Variants in ZBTB40 observed in about 807,000 individuals in gnomAD.
ZBTB40 encodes the protein zinc finger and BTB domain containing 40.
In ZBTB40, 60 loss-of-function variants were observed where a neutral mutation model predicts 117.5. That is an observed-to-expected ratio of 0.51 (90% confidence interval 0.41 to 0.63). ZBTB40 has a LOEUF of 0.63. Among genes scored for constraint, ZBTB40 ranks in the 30% least tolerant of loss-of-function variants. The pLI, the probability that ZBTB40 is intolerant of heterozygous loss-of-function variation, is 0.00. For synonymous variants in ZBTB40, 525 were observed against 577.1 expected (o/e 0.91, Z 1.29); for missense variants, 1,287 against 1,498.5 (o/e 0.86, Z 2.33).
chr1:22,522,760 AC>A lies in ZBTB40; in HGVS notation c.3298+299del, dbSNP rs1006804614. Among the ~76,000 whole-genome samples the A allele has an allele frequency of 1.1e-4, 16 of 139,738 alleles. No homozygotes were observed. The Admixed American group carries it at 1.2e-3, about 10-fold the overall frequency. The allele number at this position is 139,738 out of a possible 152,430, so 91.7% of individuals were successfully genotyped here. On this transcript the variant is annotated intron_variant, in intron 16 of 17. Transcript: ENST00000375647. The stretch of plus-strand genomic sequence containing the variant: ...AAATACAATTCCAGTTATAAGATAT[AC>A]CATTTTTATTTTTTTTTTTTTTGAG...
chr1:22,519,157 C>T (rs1639454388), intron 13 of ZBTB40, among the ~76,000 whole-genome samples: 1 of 152,178 alleles, frequency 6.6e-6, no homozygotes, highest in Admixed American at 6.5e-5. Flanking sequence ...GTCAGAATTC[C>T]TGAATTAATC....
intron 9 of ZBTB40, among the ~76,000 whole-genome samples, chr1:22,509,536 C>T (rs944832433): frequency 6.6e-6 from 1 of 152,088 alleles, no homozygotes; most frequent in African/African-American, 2.4e-5. Flanking sequence ...TTAGTGGAGA[C>T]GGGGTTTCGC....
intron 1 of ZBTB40, among the ~76,000 whole-genome samples, chr1:22,478,338 C>T (rs1641600723): frequency 6.6e-6 from 1 of 152,118 alleles, no homozygotes; most frequent in African/African-American, 2.4e-5. Flanking sequence ...AGCTCCGCCT[C>T]CTGGGTTCAC....
chr1:22,499,987 A>C (rs1638883697), intron 3 of ZBTB40, among the ~76,000 whole-genome samples: 1 of 152,242 alleles, frequency 6.6e-6, no homozygotes, highest in Non-Finnish European at 1.5e-5. Context: ...GACTCTGGTG[A>C]GAAAATTTTT....
At position 22,520,307 on chromosome 1, in the gene ZBTB40, C is replaced by T. The variant is rs982986001; in HGVS notation, c.3048+32C>T. ...TCAGGTGCCACTGGGAGCTCTTCCC[C>T]TCACCCCTGACCTACTCTCCATTTG... On this transcript the variant is annotated intron_variant, in intron 14 of 17. Coordinates refer to ENST00000375647, the MANE Select transcript of ZBTB40 (RefSeq NM_014870.4). The T allele has an allele frequency of 2.5e-6, 4 of 1,569,018 alleles. No homozygotes were observed. In the African/African-American group the frequency reaches 4.0e-5, roughly 16 times the overall value.
intron 1 of ZBTB40, among the ~76,000 whole-genome samples, chr1:22,433,432 CAAAAA>C (rs767913519): frequency 2.5e-3 from 22 of 8,768 alleles, no homozygotes; most frequent in Admixed American, 0.012. Context: ...GACGCCCTCT[CAAAAA>C]AAAAAAAAAA....
At chr1:22,433,974 T>C (rs1460133378) in intron 1 of ZBTB40, among the ~76,000 whole-genome samples, 1 of 152,108 alleles carries the variant, frequency 6.6e-6, no homozygotes, top group African/African-American at 2.4e-5. Context: ...CAGGTATGTA[T>C]AAAATCCCAG....
chr1:22,506,042 A>G lies in ZBTB40; in HGVS notation c.1168-7A>G. The G allele has an allele frequency of 1.2e-6, 2 of 1,614,168 alleles. No homozygotes were observed. Among genetic ancestry groups the G allele is most frequent in the South Asian group, 1.1e-5 (1 of 91,084 alleles). On this transcript the variant is annotated splice_region_variant and splice_polypyrimidine_tract_variant and intron_variant, in intron 5 of 17. Coordinates refer to ENST00000375647, the MANE Select transcript of ZBTB40 (RefSeq NM_014870.4). ...ACTGGTGTCTGGTTGATTGCTTGCCACTGCAGGTGATTCTGAATTGCTGTG... is the reference window on the plus strand; with the variant it reads ...ACTGGTGTCTGGTTGATTGCTTGCCGCTGCAGGTGATTCTGAATTGCTGTG...
At chr1:22,453,019 C>T (rs965753340) in intron 1 of ZBTB40, 3 of 152,194 alleles carry the variant, frequency 2.0e-5, no homozygotes, top group African/African-American at 4.8e-5. Context: ...TATAGGTGTA[C>T]TAGGTTATAG....
intron 14 of ZBTB40, 43 bp from the exon 15 acceptor site, chr1:22,521,453 G>A: frequency 6.2e-7 from 1 of 1,613,954 alleles, no homozygotes; most frequent in Non-Finnish European, 8.5e-7. Context: ...TCTCCAGCTT[G>A]CTGGAACTTT....
rs114801758 is a variant in ZBTB40, at chr1:22,477,873, G to A, written c.-69-12007G>A. On this transcript the variant is annotated intron_variant, in intron 1 of 17. Transcript: ENST00000375647. ...CATCTTAATTTGTTTTTTGTTTACC[G>A]TACTTTTCTTGCCTTCCTTCTTCCC... 6.1e-3 allele frequency among the ~76,000 whole-genome samples: 925 copies of A among 152,098 alleles called. 4 individuals are homozygous for A. The highest frequency in any genetic ancestry group is 0.017 in the Middle Eastern group (5 of 294).
At chr1:22,480,205 C>T (rs905977795) in intron 1 of ZBTB40, among the ~76,000 whole-genome samples, 2 of 152,056 alleles carry the variant, frequency 1.3e-5, no homozygotes, top group African/African-American at 4.8e-5. Context: ...TGCGCCCAGC[C>T]AGGAATTTCT....
chr1:22,447,864 A>G (rs894091518), upstream of ZBTB40, among the ~76,000 whole-genome samples: 1 of 152,172 alleles, frequency 6.6e-6, no homozygotes, highest in African/African-American at 2.4e-5. Context: ...CTTCATTTGG[A>G]CTGGAAAAAA....
At chr1:22,457,678 GTTAT>G (rs1433338071) in intron 1 of ZBTB40, among the ~76,000 whole-genome samples, 3 of 152,164 alleles carry the variant, frequency 2.0e-5, no homozygotes, top group Non-Finnish European at 4.4e-5. Flanking sequence ...CCAAATATTG[GTTAT>G]TTGTTGGTTA....
At position 22,526,436 on chromosome 1, in the gene ZBTB40, A is replaced by G. The variant is rs746391583; in HGVS notation, c.*40A>G. ...GGCAGAGCCTTCCTGCGTTTGCAGC[A>G]GAGAGGAGGCCCCACAGCTTGCCCT... On this transcript the variant is annotated 3_prime_UTR_variant, in exon 18 of 18. Coordinates refer to ENST00000375647, the MANE Select transcript of ZBTB40 (RefSeq NM_014870.4). The G allele has an allele frequency of 6.2e-7, 1 of 1,611,862 alleles. No homozygotes were observed. Among genetic ancestry groups the G allele is most frequent in the South Asian group, 1.1e-5 (1 of 90,734 alleles).
At chr1:22,524,540 T>TG in intron 17 of ZBTB40, 96 bp downstream of exon 17, 1 of 1,342,692 alleles carries the variant, frequency 7.4e-7, no homozygotes, top group Admixed American at 2.0e-5. Flanking sequence ...AGATACTCTT[T>TG]GGGGATCTTG....
At chr1:22,455,230 ATTTG>A (rs146174175) in intron 1 of ZBTB40, among the ~76,000 whole-genome samples, 14,098 of 152,224 alleles carry the variant, frequency 0.093, 773 homozygotes, top group Admixed American at 0.17. Context: ...CGATTTAAAA[ATTTG>A]TTTGTGCATG....
At chr1:22,465,147 G>A (rs1050627755) in intron 1 of ZBTB40, among the ~76,000 whole-genome samples, 1 of 152,214 alleles carries the variant, frequency 6.6e-6, no homozygotes, top group Non-Finnish European at 1.5e-5. Flanking sequence ...CAGGTTGTCT[G>A]TCGAGTGTTC....
chr1:22,489,665 A>G (rs903601537), intron 1 of ZBTB40, among the ~76,000 whole-genome samples: 19 of 152,218 alleles, frequency 1.2e-4, no homozygotes, highest in Non-Finnish European at 2.4e-4. Context: ...GAGACCGTCC[A>G]TACAAAGCAT....
Sources: allele counts gnomAD v4.1 joint callset (sites outside exome capture counted in the v4.1 genomes callset), GRCh38; gene constraint gnomAD v4.1.1; transcripts MANE v1.5; gene names NCBI Gene and HGNC (gene_info 2026-07-23, HGNC 2026-07-21).